Variants in IL10RB observed in about 807,000 individuals in gnomAD.
IL10RB encodes the protein interleukin 10 receptor subunit beta.
Under a neutral mutation model 38.7 loss-of-function variants are expected in IL10RB, and 30 were observed. The ratio of observed to expected loss-of-function variants is 0.78; its 90% CI spans 0.58 to 1.05. The LOEUF is 1.05. IL10RB is among the 50% of genes least tolerant of loss of function. IL10RB has a pLI of 0.00. For missense variants in IL10RB, 328 were observed against 397.1 expected (o/e 0.83, Z 1.48); for synonymous variants, 142 against 145.9 (o/e 0.97, Z 0.19).
In IL10RB at chr21:33,296,338, G is replaced by C; in HGVS notation, c.959G>C (p.Gly320Ala). 1 of 1,613,810 alleles carries C rather than the reference G, an allele frequency of 6.2e-7. No homozygotes were observed. The highest frequency in any genetic ancestry group is 8.5e-7 in the Non-Finnish European group (1 of 1,179,988). Residue 320 changes from glycine (G) to alanine (A), a missense_variant, in exon 7 of 7, where the codon GGG becomes GCG. Gly to Ala is a moderately conservative substitution (Grantham distance 60). Transcript: ENST00000290200. ...AGCTGCAGCCTCGGGACCCCGCCTG[G>C]GCAGGGGCCCCAAAGCTAGGCTCTG... is the stretch of plus-strand genomic sequence containing the variant. ...GDSCSLGTPP[G>A]QGPQS
Position 33,276,575 on chromosome 21 carries a change from C to T in IL10RB, c.174-21C>T. 3 of 1,607,046 alleles carry T rather than the reference C, an allele frequency of 1.9e-6. No individual in the cohort carries two copies. The Admixed American group carries it at 5.0e-5, about 27-fold the overall frequency. ...CTGAAGCCAGAACTCTCCTGATTGA[C>T]CTATCTTTTTGATTGTGTAGTTATA... On this transcript the variant is annotated intron_variant, in intron 2 of 6. Transcript: ENST00000290200.
chr21:33,305,290 T>C lies in IL10RB; in HGVS notation c.130-3686T>C, dbSNP rs575990306. 3.3e-5 allele frequency among the ~76,000 whole-genome samples: 5 copies of C among 152,202 alleles called. No homozygotes were observed. In the South Asian group the frequency reaches 1.0e-3, roughly 32 times the overall value. ...CGACAGGCTAATTTTTTTTTCTTTT[T>C]ATAGAGACAGGGTTTCGCCATGTTG... On this transcript the variant is annotated intron_variant, in intron 1 of 1. Transcript: ENST00000609556.
chr21:33,281,529 T>C (rs568261172), intron 4 of IL10RB, among the ~76,000 whole-genome samples: 1 of 152,338 alleles, frequency 6.6e-6, no homozygotes, highest in South Asian at 2.1e-4. Context: ...GTGGAAAGGC[T>C]GCCTGCTGCA....
At chr21:33,295,226 T>C (rs978064154) in intron 6 of IL10RB, among the ~76,000 whole-genome samples, 7 of 151,710 alleles carry the variant, frequency 4.6e-5, no homozygotes, top group South Asian at 2.1e-4. Context: ...GGCAAGGTGG[T>C]GGGCGCCTAT....
intron 4 of IL10RB, among the ~76,000 whole-genome samples, chr21:33,281,334 C>G (rs1258453815): frequency 1.3e-5 from 2 of 152,220 alleles, no homozygotes; most frequent in Non-Finnish European, 2.9e-5. Context: ...TAGCAACAGA[C>G]CTCAATTAAG....
intron 3 of IL10RB, among the ~76,000 whole-genome samples, chr21:33,277,210 G>A (rs890982323): frequency 3.3e-5 from 5 of 152,102 alleles, no homozygotes; most frequent in African/African-American, 1.2e-4. Flanking sequence ...AGGGCTGATG[G>A]CAGGTGGGTT....
intron 6 of IL10RB, among the ~76,000 whole-genome samples, chr21:33,293,323 C>A (rs1271589136): frequency 6.6e-6 from 1 of 152,252 alleles, no homozygotes; most frequent in East Asian, 1.9e-4. Flanking sequence ...AGAGCCTTGA[C>A]CGAGGCAACT....
At chr21:33,307,989 T>C (rs1304044630) in intron 1 of IL10RB, among the ~76,000 whole-genome samples, 7 of 152,204 alleles carry the variant, frequency 4.6e-5, no homozygotes, top group Non-Finnish European at 8.8e-5. Context: ...CATGGATGTA[T>C]GAGTGAATGA....
downstream of IL10RB, among the ~76,000 whole-genome samples, chr21:33,298,379 TGAGGCAGGTG>T (rs2082976206): frequency 6.6e-6 from 1 of 152,128 alleles, no homozygotes. Flanking sequence ...TTTCGGAGGC[TGAGGCAGGTG>T]GATCACCTGA....
chr21:33,302,707 G>T (rs746899784), intron 1 of IL10RB, among the ~76,000 whole-genome samples: 3 of 152,180 alleles, frequency 2.0e-5, no homozygotes, highest in Non-Finnish European at 2.9e-5. Flanking sequence ...CGGCTTTTGG[G>T]CTCAGAAGAA....
At chr21:33,302,043 A>G (rs938532533), downstream of IL10RB, among the ~76,000 whole-genome samples, 1 of 152,328 alleles carries the variant, frequency 6.6e-6, no homozygotes, top group Non-Finnish European at 1.5e-5. Context: ...TGTAATTCTC[A>G]TCTTGCCAGC....
intron 2 of IL10RB, among the ~76,000 whole-genome samples, chr21:33,269,585 CA>C (rs1435444610): frequency 6.6e-6 from 1 of 151,328 alleles, no homozygotes; most frequent in African/African-American, 2.4e-5. Flanking sequence ...TCCAGACTAA[CA>C]GAACATTTCA....
intron 2 of IL10RB, among the ~76,000 whole-genome samples, chr21:33,271,070 T>G (rs952350614): frequency 1.3e-5 from 2 of 152,204 alleles, no homozygotes; most frequent in Admixed American, 1.3e-4. Context: ...AGTGACTTCA[T>G]GAGGGTATCC....
At chr21:33,294,888 G>A (rs1032168860) in intron 6 of IL10RB, among the ~76,000 whole-genome samples, 14 of 152,290 alleles carry the variant, frequency 9.2e-5, no homozygotes, top group East Asian at 5.8e-4. Flanking sequence ...CATCTTCATC[G>A]TTCAAAGCAC....
downstream of IL10RB, among the ~76,000 whole-genome samples, chr21:33,298,794 A>T (rs2082977602): frequency 6.6e-6 from 1 of 152,192 alleles, no homozygotes; most frequent in Admixed American, 6.5e-5. Context: ...AGCGTAGATT[A>T]GCAAGCTGGA....
chr21:33,299,642 C>T (rs147376252), downstream of IL10RB, among the ~76,000 whole-genome samples: 115 of 152,340 alleles, frequency 7.5e-4, 1 homozygote, highest in East Asian at 0.016. Flanking sequence ...GGGTCTCAGC[C>T]GTAGCTGCAC....
At chr21:33,277,257 C>T (rs548783863) in intron 3 of IL10RB, among the ~76,000 whole-genome samples, 74 of 150,944 alleles carry the variant, frequency 4.9e-4, no homozygotes, top group Non-Finnish European at 9.6e-4. Flanking sequence ...AAATTGTTCC[C>T]AGGTTAGGTG....
intron 6 of IL10RB, 113 bp downstream of exon 6, chr21:33,288,374 C>T (rs577337753): frequency 9.0e-5 from 59 of 652,484 alleles, no homozygotes; most frequent in Admixed American, 5.1e-4. Flanking sequence ...AACACACACG[C>T]GCGCGCGCAC....
chr21:33,266,558 C>T, intron 1 of IL10RB, 44 bp downstream of exon 1: 1 of 1,528,014 alleles, frequency 6.5e-7, no homozygotes, highest in Non-Finnish European at 8.8e-7. Context: ...AACCGGGAGG[C>T]CCCGCGAGAT....
Sources: allele counts gnomAD v4.1 joint callset (sites outside exome capture counted in the v4.1 genomes callset), GRCh38; gene constraint gnomAD v4.1.1; transcripts MANE v1.5; gene names NCBI Gene and HGNC (gene_info 2026-07-23, HGNC 2026-07-21).